Variants in CDH18 observed in about 807,000 individuals in gnomAD.
CDH18 encodes cadherin 18.
In CDH18, 31 loss-of-function variants were observed where a neutral mutation model predicts 67.9. That is an observed-to-expected ratio of 0.46 (90% CI 0.34 to 0.62). The LOEUF is 0.62. CDH18 is among the 20% of genes least tolerant of loss of function. The pLI is 0.01. For missense variants in CDH18, 890 were observed against 975.5 expected, an observed-to-expected ratio of 0.91 and a Z score of 1.17; for synonymous variants, 362 against 347.2, an observed-to-expected ratio of 1.04 and a Z score of -0.48.
At chr5:20,370,044 T>A (rs1742847881) in intron 1 of CDH18, among the ~76,000 whole-genome samples, 1 of 152,152 alleles carries the variant, frequency 6.6e-6, no homozygotes, top group Non-Finnish European at 1.5e-5. Flanking sequence ...ATTAATATCT[T>A]TTATTTCTAG....
chr5:19,560,047 A>G (rs1233699160), intron 8 of CDH18, among the ~76,000 whole-genome samples: 1 of 152,134 alleles, frequency 6.6e-6, no homozygotes, highest in East Asian at 1.9e-4. Flanking sequence ...TCCCATGCTC[A>G]TAGATGGAGT....
At chr5:20,549,967 T>C (rs1757545214) in intron 1 of CDH18, among the ~76,000 whole-genome samples, 1 of 152,214 alleles carries the variant, frequency 6.6e-6, no homozygotes, top group Admixed American at 6.5e-5. Context: ...ATCTTTAATA[T>C]TGAAATTTTC....
intron 5 of CDH18, among the ~76,000 whole-genome samples, chr5:19,653,757 C>A (rs1266545436): frequency 6.6e-6 from 1 of 152,116 alleles, no homozygotes; most frequent in Non-Finnish European, 1.5e-5. Context: ...TGCTGTGTAG[C>A]CTCTCCTATC....
chr5:20,334,903 T>C (rs764045735), intron 1 of CDH18, among the ~76,000 whole-genome samples: 12 of 152,052 alleles, frequency 7.9e-5, no homozygotes, highest in Non-Finnish European at 1.3e-4. Context: ...ACAATAACAA[T>C]CTCTGTCTCC....
chr5:19,540,852 A>G (rs1309677734), intron 9 of CDH18, among the ~76,000 whole-genome samples: 2 of 152,132 alleles, frequency 1.3e-5, no homozygotes, highest in South Asian at 2.1e-4. Context: ...TCAGCTGTGA[A>G]GGTCTCTGAC....
chr5:20,207,684 C>T (rs1182605613), intron 2 of CDH18, among the ~76,000 whole-genome samples: 2 of 152,064 alleles, frequency 1.3e-5, no homozygotes, highest in Non-Finnish European at 2.9e-5. Flanking sequence ...CCACAGGTCC[C>T]TCCCACAACA....
chr5:19,516,546 A>C (rs931527737), intron 10 of CDH18, among the ~76,000 whole-genome samples: 24 of 152,116 alleles, frequency 1.6e-4, no homozygotes, highest in African/African-American at 5.6e-4. Flanking sequence ...TGGTCTATTC[A>C]GCGATTCAAC....
intron 2 of CDH18, among the ~76,000 whole-genome samples, chr5:19,914,866 C>T (rs1165141112): frequency 2.0e-5 from 3 of 151,996 alleles, no homozygotes; most frequent in Admixed American, 2.0e-4. Context: ...ATTTCTCCCC[C>T]AAATTTGTAA....
intron 1 of CDH18, among the ~76,000 whole-genome samples, chr5:20,567,234 A>T (rs780766679): frequency 1.1e-4 from 17 of 152,224 alleles, no homozygotes; most frequent in Non-Finnish European, 1.5e-4. Context: ...CTGGGAGAAC[A>T]AAAGAGACTT....
rs115396842 is a variant in CDH18, at chr5:19,632,769, C to T, written c.644-20168G>A. 7.9e-3 allele frequency among the ~76,000 whole-genome samples: 1,200 copies of T among 152,280 alleles called. 5 individuals are homozygous for T. The highest frequency in any genetic ancestry group is 0.012 in the Non-Finnish European group (799 of 68,004). On this transcript the variant is annotated intron_variant, in intron 5 of 12. Coordinates refer to ENST00000382275, the MANE Select transcript of CDH18 (RefSeq NM_004934.5). Reference sequence around the variant, plus strand: ...CCTGGGATTATAGAACACTTAAAAGCTTACTCATGTTCTATCTTTCCTCTT... The same window carrying T: ...CCTGGGATTATAGAACACTTAAAAGTTTACTCATGTTCTATCTTTCCTCTT...
At chr5:19,821,494 C>T (rs1581504381) in intron 3 of CDH18, among the ~76,000 whole-genome samples, 2 of 151,748 alleles carry the variant, frequency 1.3e-5, no homozygotes, top group South Asian at 2.1e-4. Context: ...ACCCACAATT[C>T]CTGAGAGATG....
intron 2 of CDH18, among the ~76,000 whole-genome samples, chr5:19,855,691 AAT>A (rs1430726439): frequency 3.9e-5 from 6 of 152,104 alleles, no homozygotes; most frequent in Admixed American, 1.3e-4. Context: ...CTCAAAATGC[AAT>A]ATGTTTTCCA....
At chr5:19,611,476 G>A (rs182510176) in intron 6 of CDH18, among the ~76,000 whole-genome samples, 194 of 152,218 alleles carry the variant, frequency 1.3e-3, no homozygotes, top group African/African-American at 4.4e-3. Context: ...AAGTAAGGAC[G>A]TACAAAGTGT....
chr5:20,420,582 T>G (rs573758187), intron 1 of CDH18, among the ~76,000 whole-genome samples: 6 of 151,334 alleles, frequency 4.0e-5, no homozygotes, highest in East Asian at 1.9e-4. Context: ...AGTTCCCCAG[T>G]AAACATATAT....
chr5:19,800,609 C>G (rs1034692504), intron 3 of CDH18, among the ~76,000 whole-genome samples: 1 of 151,868 alleles, frequency 6.6e-6, no homozygotes, highest in Admixed American at 6.6e-5. Context: ...AAAGGAAGAA[C>G]TATAAAATTA....
chr5:20,375,877 T>C lies in CDH18; in HGVS notation c.-579-120372A>G, dbSNP rs544055884. Among the ~76,000 whole-genome samples, 55 of 152,104 alleles carry C rather than the reference T, an allele frequency of 3.6e-4. 1 individual carries two copies. The Middle Eastern group carries it at 0.014, about 38-fold the overall frequency. On this transcript the variant is annotated intron_variant, in intron 1 of 14. Transcript: ENST00000507958. ...GAAGAAAAATTACCTGTGCTGGCTT[T>C]AGTATAGTGTGGAAATATCTATCAA...
intron 2 of CDH18, among the ~76,000 whole-genome samples, chr5:20,234,736 T>A (rs1353910230): frequency 1.3e-5 from 2 of 152,166 alleles, no homozygotes; most frequent in Non-Finnish European, 2.9e-5. Context: ...TAAAAAAAAA[T>A]TCTGTAGAGC....
chr5:19,627,346 T>A lies in CDH18; in HGVS notation c.644-14745A>T, dbSNP rs114363204. On this transcript the variant is annotated intron_variant, in intron 5 of 12. Coordinates refer to ENST00000382275, the MANE Select transcript of CDH18 (RefSeq NM_004934.5). ...GTGAAATTGAGACGAACATCATTTA[T>A]CTACACATTTACGTAAGTAAAAATA... Among the ~76,000 whole-genome samples the A allele has an allele frequency of 7.4e-3, 1,123 of 152,346 alleles. 15 individuals carry two copies. The highest frequency in any genetic ancestry group is 0.025 in the African/African-American group (1,060 of 41,578).
intron 2 of CDH18, among the ~76,000 whole-genome samples, chr5:19,859,966 T>G (rs1784702110): frequency 6.7e-6 from 1 of 150,022 alleles, no homozygotes; most frequent in Non-Finnish European, 1.5e-5. Context: ...CTTTCTGTCT[T>G]ATTAATTTAC....
Sources: allele counts gnomAD v4.1 joint callset (sites outside exome capture counted in the v4.1 genomes callset), GRCh38; gene constraint gnomAD v4.1.1; transcripts MANE v1.5; gene names NCBI Gene and HGNC (gene_info 2026-07-23, HGNC 2026-07-21).